Variants in NLRP13 observed in about 807,000 individuals in gnomAD.
The protein encoded by NLRP13 is NACHT, LRR and PYD domains-containing protein 13.
NLRP13 carries 82 observed loss-of-function variants against 94.4 expected under a neutral mutation model. The observed-to-expected ratio is 0.87, with a 90% CI of 0.73 to 1.04. The LOEUF is 1.04. NLRP13 is among the 50% of genes least tolerant of loss of function. The pLI is 0.00. For synonymous variants in NLRP13, 553 were observed against 464.7 expected, an observed-to-expected ratio of 1.19 and a Z score of -2.45; for missense variants, 1,426 against 1,230.8, an observed-to-expected ratio of 1.16 and a Z score of -2.37.
chr19:55,918,429 G>T (rs1986728540), intron 4 of NLRP13, among the ~76,000 whole-genome samples: 1 of 151,818 alleles, frequency 6.6e-6, no homozygotes, highest in South Asian at 2.1e-4. Context: ...CAAAGAATCA[G>T]TAAAACCAAA....
chr19:55,908,791 G>T (rs4629084), intron 6 of NLRP13, among the ~76,000 whole-genome samples: 75,392 of 151,962 alleles, frequency 0.5, 19,121 homozygotes, highest in African/African-American at 0.6. Context: ...AAAAGGCAGA[G>T]GATCAGGAAA....
At chr19:55,915,427 A>AT (rs1170297607) in intron 4 of NLRP13, among the ~76,000 whole-genome samples, 1 of 151,916 alleles carries the variant, frequency 6.6e-6, no homozygotes, top group Non-Finnish European at 1.5e-5. Flanking sequence ...GTAAAACCCC[A>AT]TCTCTACTAA....
intron 1 of NLRP13, among the ~76,000 whole-genome samples, chr19:55,927,241 C>A (rs866461356): frequency 1.3e-5 from 2 of 151,644 alleles, no homozygotes; most frequent in East Asian, 1.9e-4. Context: ...TGGTGGTGGG[C>A]GCCTGTACTC....
intron 1 of NLRP13, among the ~76,000 whole-genome samples, chr19:55,928,125 G>A (rs1035284358): frequency 2.0e-5 from 3 of 152,154 alleles, no homozygotes; most frequent in Admixed American, 1.3e-4. Flanking sequence ...TCCTACTTGA[G>A]AGGTATCTTC....
At chr19:55,930,029 T>A (rs1987070016) in intron 1 of NLRP13, among the ~76,000 whole-genome samples, 1 of 152,006 alleles carries the variant, frequency 6.6e-6, no homozygotes, top group South Asian at 2.1e-4. Flanking sequence ...GGTGGAGTGG[T>A]GTTCTAGTCT....
At chr19:55,914,237 C>T (rs535009739) in intron 4 of NLRP13, among the ~76,000 whole-genome samples, 3 of 152,250 alleles carry the variant, frequency 2.0e-5, no homozygotes, top group Non-Finnish European at 2.9e-5. Flanking sequence ...ATTGAGCTAG[C>T]GATTCTTAGA....
At chr19:55,895,858 G>T, downstream of NLRP13, 1 of 1,439,082 alleles carries the variant, frequency 6.9e-7, no homozygotes, top group Non-Finnish European at 9.5e-7. Context: ...GAAGCCGAGT[G>T]CAATGGAAAC....
rs1477726113 is a variant in NLRP13 at position 55,913,442 on chromosome 19, A to AAGGGGG, written c.524-150_524-149insCCCCCT. 4.1e-5 allele frequency: 36 copies of AAGGGGG among 881,876 alleles called. No homozygotes were observed. In the East Asian group the frequency reaches 9.4e-4, roughly 23 times the overall value. 54.6% of individuals were successfully genotyped at this position (881,876 alleles called of 1,614,324 possible). On this transcript the variant is annotated intron_variant, in intron 4 of 10. Coordinates refer to ENST00000342929, the MANE Select transcript of NLRP13 (RefSeq NM_176810.2). ...GGAATGCAGTGGTAGAAAGTTGCAA[A>AAGGGGG]AGGAGGCTGAGGTAGGAGAATGGCG...
intron 10 of NLRP13, among the ~76,000 whole-genome samples, chr19:55,897,984 T>A (rs1448990291): frequency 6.6e-6 from 1 of 152,162 alleles, no homozygotes; most frequent in African/African-American, 2.4e-5. Context: ...CATCTTAGTC[T>A]GCTTAGTACA....
At chr19:55,893,645 T>C (rs1985919536), downstream of NLRP13, among the ~76,000 whole-genome samples, 3 of 152,144 alleles carry the variant, frequency 2.0e-5, no homozygotes, top group South Asian at 6.2e-4. Flanking sequence ...ATGGCGCAGA[T>C]GACACAAGGG....
Position 55,913,309 on chromosome 19 carries a change from T to G in NLRP13, c.524-16A>C. ...CTTCTGTGGTCTAGAGAGGGCGGAG[T>G]GGGGAGAAGAATGGTAAGAATAAAT... On this transcript the variant is annotated splice_polypyrimidine_tract_variant and intron_variant, in intron 4 of 10. Transcript: ENST00000342929. The G allele has an allele frequency of 6.2e-7, 1 of 1,603,248 alleles. No individual in the cohort carries two copies. The highest frequency in any genetic ancestry group is 1.7e-5 in the Admixed American group (1 of 58,758).
At chr19:55,928,890 C>CT (rs1185512223) in intron 1 of NLRP13, among the ~76,000 whole-genome samples, 17 of 152,102 alleles carry the variant, frequency 1.1e-4, no homozygotes, top group African/African-American at 3.9e-4. Context: ...ATCTACTCAT[C>CT]TGACAAAGGG....
chr19:55,924,963 A>G lies in NLRP13; in HGVS notation c.388+4T>C. 4 of 1,613,662 alleles carry G rather than the reference A, an allele frequency of 2.5e-6. No homozygotes were observed. Among genetic ancestry groups the G allele is most frequent in the Non-Finnish European group, 3.4e-6 (4 of 1,179,536 alleles). On this transcript the variant is annotated splice_donor_region_variant and intron_variant, in intron 2 of 10. Transcript: ENST00000342929. ...CCATTATCAACTTAAAGTAGTGTAC[A>G]CACCTGCTGCTGCTTCTAGCATCTC...
At chr19:55,930,901 A>ATATATATT (rs1338071833) in intron 1 of NLRP13, among the ~76,000 whole-genome samples, 1 of 98,284 alleles carries the variant, frequency 1.0e-5, no homozygotes, top group Non-Finnish European at 1.9e-5. Context: ...TATATATAAA[A>ATATATATT]TTTTAACCAG....
intron 1 of NLRP13, among the ~76,000 whole-genome samples, chr19:55,929,734 T>C (rs1987061780): frequency 6.6e-6 from 1 of 152,122 alleles, no homozygotes. Context: ...GTAACAAACC[T>C]GCACGTTGTG....
chr19:55,928,202 T>C (rs1006397679), intron 1 of NLRP13, among the ~76,000 whole-genome samples: 1 of 152,108 alleles, frequency 6.6e-6, no homozygotes, highest in African/African-American at 2.4e-5. Context: ...GGGGCTCCTG[T>C]GATGTGCCCC....
intron 4 of NLRP13, 101 bp downstream of exon 4, chr19:55,923,813 A>G: frequency 1.2e-6 from 1 of 829,990 alleles, no homozygotes; most frequent in Non-Finnish European, 2.1e-6. Context: ...CATACCATAA[A>G]CTGAAGAAAA....
chr19:55,926,680 C>T (rs970630740), intron 1 of NLRP13, among the ~76,000 whole-genome samples: 10 of 152,152 alleles, frequency 6.6e-5, no homozygotes, highest in African/African-American at 2.2e-4. Flanking sequence ...GGTCCCTGTT[C>T]CCATTGCATG....
At chr19:55,916,403 A>C (rs1167347022) in intron 4 of NLRP13, among the ~76,000 whole-genome samples, 1 of 152,234 alleles carries the variant, frequency 6.6e-6, no homozygotes, top group East Asian at 1.9e-4. Flanking sequence ...CAGATAAATA[A>C]TTTAAAATAT....
Sources: allele counts gnomAD v4.1 joint callset (sites outside exome capture counted in the v4.1 genomes callset), GRCh38; gene constraint gnomAD v4.1.1; transcripts MANE v1.5; gene names NCBI Gene and HGNC (gene_info 2026-07-23, HGNC 2026-07-21).